Variants in STX11 observed in about 807,000 individuals in gnomAD.
STX11 encodes syntaxin 11, also known as syntaxin-11.
A neutral mutation model predicts 19.9 loss-of-function variants in STX11; 21 were observed. That is an observed-to-expected ratio of 1.06 (90% CI 0.75 to 1.52). The LOEUF is 1.52. STX11 is among the 40% of genes most tolerant of loss of function. The pLI is 0.00. For synonymous variants in STX11, 193 were observed against 174.4 expected, an observed-to-expected ratio of 1.11 and a Z score of -0.84; for missense variants, 438 against 405.9, an observed-to-expected ratio of 1.08 and a Z score of -0.68.
chr6:144,190,374 A>G lies in STX11; in HGVS notation c.*2883A>G, dbSNP rs1351299676. 6.6e-6 allele frequency among the ~76,000 whole-genome samples: 1 copy of G among 152,254 alleles called. No individual in the cohort carries two copies. The highest frequency in any genetic ancestry group is 1.5e-5 in the Non-Finnish European group (1 of 68,044). ...GATGACTGAATATGTAAAAGCACCT[A>G]GAACAGTGCCTGGCACATGCTAAGT... On this transcript the variant is annotated 3_prime_UTR_variant, in exon 2 of 2. Transcript: ENST00000367568.
Position 144,187,649 on chromosome 6 carries a change from C to T in STX11, c.*158C>T. ...GCCAGGTTCAAGAATTGCAAACCAGCCTGTGCTTGGAAAGATGGTTAGTTG... is the reference window on the plus strand; with the variant it reads ...GCCAGGTTCAAGAATTGCAAACCAGTCTGTGCTTGGAAAGATGGTTAGTTG... On this transcript the variant is annotated 3_prime_UTR_variant, in exon 2 of 2. Coordinates refer to ENST00000367568, the MANE Select transcript of STX11 (RefSeq NM_003764.4). This position sits in a 1 kb window ranked among gnomAD's most constrained non-coding sequence, Gnocchi z 5.6. 1.0e-6 allele frequency: 1 copy of T among 958,272 alleles called. No individual in the cohort carries two copies. Among genetic ancestry groups the T allele is most frequent in the Non-Finnish European group, 1.6e-6 (1 of 637,042 alleles). The allele number at this position is 958,272 out of a possible 1,614,324, so 59.4% of individuals were successfully genotyped here.
chr6:144,148,797 T>A (rs1800925922), upstream of STX11, among the ~76,000 whole-genome samples: 1 of 152,224 alleles, frequency 6.6e-6, no homozygotes, highest in African/African-American at 2.4e-5. Context: ...TCTGGCTATG[T>A]CGGCCAGATC....
rs578256614 is a variant in STX11, at chr6:144,165,348, G to A, written c.-6+14645G>A. 7.0e-4 allele frequency among the ~76,000 whole-genome samples: 107 copies of A among 152,046 alleles called. No individual in the cohort carries two copies. The highest frequency in any genetic ancestry group is 2.6e-3 in the African/African-American group (106 of 41,502). The stretch of plus-strand genomic sequence containing the variant: ...TGCATGTCTGTAATCCCAGCTACTC[G>A]GGAGACTGAGGCAGGAGAATTGCTT... On this transcript the variant is annotated intron_variant, in intron 1 of 1. Coordinates refer to ENST00000367568, the MANE Select transcript of STX11 (RefSeq NM_003764.4). The surrounding 1 kb of genome is among the most constrained non-coding windows in gnomAD (Gnocchi z 5.8).
At position 144,165,315 on chromosome 6, in the gene STX11, C is replaced by T. The variant is rs1187291123; in HGVS notation, c.-6+14612C>T. Among the ~76,000 whole-genome samples, 3 of 151,856 alleles carry T rather than the reference C, an allele frequency of 2.0e-5. No homozygotes were observed. The highest frequency in any genetic ancestry group is 6.6e-5 in the Admixed American group (1 of 15,264). ...ACTAAAAAATACAAAATTAGCGGGG[C>T]GTGGTGGTGCATGTCTGTAATCCCA... On this transcript the variant is annotated intron_variant, in intron 1 of 1. Transcript: ENST00000367568. The surrounding 1 kb of genome is among the most constrained non-coding windows in gnomAD (Gnocchi z 5.8).
At chr6:144,143,053 C>T in the STX11 span, among the ~76,000 whole-genome samples, 15 of 152,160 alleles carry the variant, frequency 9.9e-5, no homozygotes, top group Non-Finnish European at 1.8e-4. Flanking sequence ...CAATTCAAAA[C>T]ACTAAAAGAT....
At chr6:144,168,286 CT>C (rs1420583561) in intron 1 of STX11, among the ~76,000 whole-genome samples, 1 of 152,192 alleles carries the variant, frequency 6.6e-6, no homozygotes, top group Non-Finnish European at 1.5e-5. Context: ...TTAGAAGTCT[CT>C]TTGATTTTAT....
In STX11 at chr6:144,182,681, T is replaced by C. The variant is rs758648756; in HGVS notation, c.-5-3942T>C. ...TTTCCCCCAATAGCTTTTTAATGGC[T>C]GTAGGAGAGCAATACAGAGCACAGG... is the stretch of plus-strand genomic sequence containing the variant. On this transcript the variant is annotated intron_variant, in intron 1 of 1. Coordinates refer to ENST00000367568, the MANE Select transcript of STX11 (RefSeq NM_003764.4). This position sits in a 1 kb window ranked among gnomAD's most constrained non-coding sequence, Gnocchi z 4.8. Among the ~76,000 whole-genome samples, 30 of 152,220 alleles carry C rather than the reference T, an allele frequency of 2.0e-4. No individual in the cohort carries two copies. The highest frequency in any genetic ancestry group is 3.5e-4 in the Non-Finnish European group (24 of 68,042).
Position 144,165,646 on chromosome 6 carries a change from T to C in STX11, c.-6+14943T>C, listed in dbSNP as rs531428432. ...AAAAACTAATAATAGAATCATTCTT[T>C]GGTTTTATAGAATCATTTTAGATCG... On this transcript the variant is annotated intron_variant, in intron 1 of 1. Coordinates refer to ENST00000367568, the MANE Select transcript of STX11 (RefSeq NM_003764.4). This position sits in a 1 kb window ranked among gnomAD's most constrained non-coding sequence, Gnocchi z 5.8. Among the ~76,000 whole-genome samples the C allele has an allele frequency of 6.8e-4, 104 of 152,298 alleles. No homozygotes were observed. The highest frequency in any genetic ancestry group is 2.3e-3 in the African/African-American group (97 of 41,546).
intron 1 of STX11, among the ~76,000 whole-genome samples, chr6:144,164,221 G>T (rs566634288): frequency 6.6e-6 from 1 of 152,192 alleles, no homozygotes; most frequent in African/African-American, 2.4e-5. Flanking sequence ...TTAAAATCTC[G>T]TTAAAAGCCT....
upstream of STX11, among the ~76,000 whole-genome samples, chr6:144,147,600 C>G (rs576751932): frequency 1.8e-3 from 275 of 152,298 alleles, 1 homozygote; most frequent in African/African-American, 6.2e-3. The surrounding 1 kb of genome is among the most constrained non-coding windows in gnomAD (Gnocchi z 4.2). Flanking sequence ...ATACCACCAT[C>G]CCAGACTCAC....
rs1802044790 is a variant in STX11, at chr6:144,186,655, G to T, written c.28G>T (p.Asp10Tyr). ...GAAAGACCGGCTAGCAGAACTTCTG[G>T]ACTTGTCCAAGCAATATGACCAGCA... MKDRLAELLDLSKQYDQQFP... is the reference protein window; with the variant it reads MKDRLAELLYLSKQYDQQFP... The change falls in exon 2 of 2, where the codon GAC becomes TAC. Residue 10 changes from aspartate (D) to tyrosine (Y), a missense_variant. Physicochemically the swap from Asp to Tyr is radical, Grantham distance 160. Transcript: ENST00000367568. 2 of 1,614,116 alleles carry T rather than the reference G, an allele frequency of 1.2e-6. No individual in the cohort carries two copies. The highest frequency in any genetic ancestry group is 1.7e-6 in the Non-Finnish European group (2 of 1,180,038).
intron 1 of STX11, among the ~76,000 whole-genome samples, chr6:144,181,943 G>A (rs934075383): frequency 6.6e-6 from 1 of 152,214 alleles, no homozygotes; most frequent in Admixed American, 6.5e-5. Flanking sequence ...AGCAGAAGCA[G>A]ATTTTTGGTA....
intron 1 of STX11, 34 bp from the exon 2 acceptor site, chr6:144,186,589 T>C: frequency 1.9e-6 from 3 of 1,613,440 alleles, no homozygotes; most frequent in Non-Finnish European, 2.5e-6. Flanking sequence ...TGACTCTCAA[T>C]AGAGAAATTT....
At chr6:144,171,780 A>G (rs1801645184) in intron 1 of STX11, among the ~76,000 whole-genome samples, 1 of 152,176 alleles carries the variant, frequency 6.6e-6, no homozygotes, top group Admixed American at 6.5e-5. Context: ...CAAACAAAAA[A>G]GAAGCGCTGT....
rs1801039799 is a variant in STX11, at chr6:144,152,833, C to T, written c.-6+2130C>T. On this transcript the variant is annotated intron_variant, in intron 1 of 1. Transcript: ENST00000367568. The surrounding 1 kb of genome is among the most constrained non-coding windows in gnomAD (Gnocchi z 4.9). ...ATTTTTAGTAGGGACAAGGTTCGGC[C>T]CTGTTGGCCAGGCTGGTCTCGAACT... 6.6e-6 allele frequency among the ~76,000 whole-genome samples: 1 copy of T among 152,196 alleles called. No homozygotes were observed. Among genetic ancestry groups the T allele is most frequent in the Non-Finnish European group, 1.5e-5 (1 of 68,026 alleles).
At chr6:144,141,850 T>C in the STX11 span, among the ~76,000 whole-genome samples, 2 of 151,964 alleles carry the variant, frequency 1.3e-5, no homozygotes, top group Non-Finnish European at 2.9e-5. Context: ...GGCTAATTTC[T>C]TTGTATTTTT....
At position 144,187,452 on chromosome 6, in the gene STX11, C is replaced by G. The variant is rs765169697; in HGVS notation, c.825C>G (p.Cys275Trp). 5 of 1,612,452 alleles carry G rather than the reference C, an allele frequency of 3.1e-6. No individual in the cohort carries two copies. The Admixed American group carries it at 8.3e-5, about 27-fold the overall frequency. ...KAVQYEEKNP[C>W]RTLCCFCCPC... ...TGCAGTACGAGGAGAAGAACCCCTGCCGGACCCTCTGCTGCTTCTGCTGTC... is the reference window on the plus strand; with the variant it reads ...TGCAGTACGAGGAGAAGAACCCCTGGCGGACCCTCTGCTGCTTCTGCTGTC... The change falls in exon 2 of 2, where the codon TGC (cysteine) becomes TGG (tryptophan). Residue 275 changes from cysteine (C) to tryptophan (W), a missense_variant. Coordinates refer to ENST00000367568, the MANE Select transcript of STX11 (RefSeq NM_003764.4). The surrounding 1 kb of genome is among the most constrained non-coding windows in gnomAD (Gnocchi z 5.6).
In STX11 at chr6:144,187,444, A is replaced by G. The variant is rs1402811113; in HGVS notation, c.817A>G (p.Asn273Asp). 1.9e-6 allele frequency: 3 copies of G among 1,612,246 alleles called. No homozygotes were observed. Among genetic ancestry groups the G allele is most frequent in the Non-Finnish European group, 2.5e-6 (3 of 1,179,984 alleles). ...VRKAVQYEEK[N>D]PCRTLCCFCC... ...GAAGGCCGTGCAGTACGAGGAGAAG[A>G]ACCCCTGCCGGACCCTCTGCTGCTT... Residue 273 changes from asparagine to aspartate, a missense_variant, in exon 2 of 2, where the codon AAC becomes GAC. Coordinates refer to ENST00000367568, the MANE Select transcript of STX11 (RefSeq NM_003764.4). The surrounding 1 kb of genome is among the most constrained non-coding windows in gnomAD (Gnocchi z 5.6).
the STX11 span, among the ~76,000 whole-genome samples, chr6:144,144,425 T>C: frequency 2.0e-5 from 3 of 152,228 alleles, no homozygotes; most frequent in Non-Finnish European, 4.4e-5. Flanking sequence ...GAAAGAAAGA[T>C]CTTAAACTTA....
Sources: gnomAD v4.1 joint callset for allele counts (sites outside exome capture counted in the v4.1 genomes callset) on GRCh38, gnomAD v4.1.1 for gene constraint, Gnocchi (gnomAD v3.1) non-coding constraint, MANE v1.5 for transcripts, NCBI Gene and HGNC (gene_info 2026-07-23, HGNC 2026-07-21) for gene names.